C10orf67: variants seen among roughly 807,000 people sequenced by gnomAD.
C10orf67 encodes the protein chromosome 10 open reading frame 67.
Under a neutral mutation model 35.6 loss-of-function variants are expected in C10orf67, and 60 were observed. The observed-to-expected ratio is 1.68, with a 90% CI of 1.37 to 2.09. The LOEUF is 2.09. Among genes scored for constraint, C10orf67 ranks in the 30% most tolerant of loss-of-function variants. The pLI, the probability that C10orf67 is intolerant of heterozygous loss-of-function variation, is 0.00. For synonymous variants in C10orf67, 167 were observed against 115.8 expected (o/e 1.44, Z -2.84); for missense variants, 474 against 330.2 (o/e 1.44, Z -3.38).
intron 15 of C10orf67, among the ~76,000 whole-genome samples, chr10:23,223,075 AAC>A (rs1188788251): frequency 9.0e-5 from 12 of 132,862 alleles, no homozygotes; most frequent in African/African-American, 4.1e-4. Context: ...TTTGAAGTAT[AAC>A]TATTTTTTTT....
rs190620112 is a variant in C10orf67 at position 23,329,826 on chromosome 10, A to G, written c.327+3236T>C. 7.7e-4 allele frequency among the ~76,000 whole-genome samples: 116 copies of G among 150,844 alleles called. No individual in the cohort carries two copies. In the South Asian group the frequency reaches 8.5e-3, roughly 11 times the overall value. ...AAAAAAAAAAAAAAAAGAAAAGAAA[A>G]GAAAAAAATTATAGGGCAATCTCGC... On this transcript the variant is annotated intron_variant, in intron 2 of 15. Coordinates refer to ENST00000636213, the MANE Select transcript of C10orf67 (RefSeq NM_001371909.1).
At position 23,204,242 on chromosome 10, in the gene C10orf67, T is replaced by C; in HGVS notation, c.1584A>G (p.Glu528=). 1.5e-6 allele frequency: 1 copy of C among 653,086 alleles called. No homozygotes were observed. Among genetic ancestry groups the C allele is most frequent in the East Asian group, 3.0e-5 (1 of 33,114 alleles). 40.5% of individuals were successfully genotyped at this position (653,086 alleles called of 1,614,324 possible). Residue 528 remains glutamate (E), a synonymous_variant, in exon 16 of 16, where the codon GAA becomes GAG. Transcript: ENST00000636213. ...CCTCCAAGGACTCTTCTTTTGGGGATTCCGACAACTTCCCTAAACGTGAAG... is the reference window on the plus strand; with the variant it reads ...CCTCCAAGGACTCTTCTTTTGGGGACTCCGACAACTTCCCTAAACGTGAAG... ...LQLSPKGKLS[E]SPKEESLEEP... is the part of the protein sequence containing the mutation.
In C10orf67 at chr10:23,216,892, T is replaced by C. The variant is rs972060841; in HGVS notation, c.1570+6706A>G. ...CCTCTGGGGAGAGAAGGAGGAATGATATCAACTCAGTCTTCATTGTCTTAC... is the reference window on the plus strand; with the variant it reads ...CCTCTGGGGAGAGAAGGAGGAATGACATCAACTCAGTCTTCATTGTCTTAC... On this transcript the variant is annotated intron_variant, in intron 15 of 15. Coordinates refer to ENST00000636213, the MANE Select transcript of C10orf67 (RefSeq NM_001371909.1). Among the ~76,000 whole-genome samples the C allele has an allele frequency of 3.9e-5, 6 of 152,292 alleles. No individual in the cohort carries two copies. In the South Asian group the frequency reaches 8.3e-4, roughly 21 times the overall value.
chr10:23,337,244 A>G (rs1845722028), intron 1 of C10orf67, among the ~76,000 whole-genome samples: 1 of 152,224 alleles, frequency 6.6e-6, no homozygotes, highest in Admixed American at 6.5e-5. Context: ...TTAAGATAGG[A>G]GTCATCAGGC....
At chr10:23,260,485 C>G (rs1396645631) in intron 10 of C10orf67, among the ~76,000 whole-genome samples, 2 of 152,106 alleles carry the variant, frequency 1.3e-5, no homozygotes, top group African/African-American at 4.8e-5. Context: ...CTTACTGTGA[C>G]AAGTATATCA....
At chr10:23,246,514 C>T (rs577563297) in intron 12 of C10orf67, among the ~76,000 whole-genome samples, 1 of 152,058 alleles carries the variant, frequency 6.6e-6, no homozygotes, top group South Asian at 2.1e-4. Context: ...GAGAAAAACA[C>T]AAATTCTCAG....
At chr10:23,283,756 G>A (rs1333787064) in intron 7 of C10orf67, among the ~76,000 whole-genome samples, 3 of 151,920 alleles carry the variant, frequency 2.0e-5, no homozygotes, top group African/African-American at 4.8e-5. Flanking sequence ...TGCTCTTCTC[G>A]GGGCCATTGC....
At position 23,203,529 on chromosome 10, in the gene C10orf67, G is replaced by GA. The variant is rs1260006038; in HGVS notation, c.*643dup. 1.3e-5 allele frequency: 2 copies of GA among 152,192 alleles called. No homozygotes were observed. The highest frequency in any genetic ancestry group is 4.8e-5 in the African/African-American group (2 of 41,460). 9.4% of individuals were successfully genotyped at this position (152,192 alleles called of 1,614,324 possible). A position where few individuals can be genotyped will look rare whatever the true frequency, so the allele number is the denominator to read the frequency against. On this transcript the variant is annotated 3_prime_UTR_variant, in exon 16 of 16. Transcript: ENST00000636213. ...ACCAAGTTGGACATTACGCATGGAA[G>GA]AAAAGCAAACCCGCCTTTTGGTAAA...
rs1843661311 is a variant in C10orf67 at position 23,289,826 on chromosome 10, A to G, written c.909+74T>C. 8 of 698,506 alleles carry G rather than the reference A, an allele frequency of 1.1e-5. No homozygotes were observed. In the South Asian group the frequency reaches 1.3e-4, roughly 11 times the overall value. The allele number at this position is 698,506 out of a possible 1,614,324, so 43.3% of individuals were successfully genotyped here. On this transcript the variant is annotated intron_variant, in intron 7 of 15. Coordinates refer to ENST00000636213, the MANE Select transcript of C10orf67 (RefSeq NM_001371909.1). ...CTCTATGTCATAAGACACTCTGGAC[A>G]CAGTGTTATTTGGCCAATTGCGCCT...
intron 13 of C10orf67, among the ~76,000 whole-genome samples, chr10:23,228,057 A>G (rs945907649): frequency 6.6e-6 from 1 of 152,180 alleles, no homozygotes; most frequent in Non-Finnish European, 1.5e-5. Context: ...CAAGCTACCA[A>G]TGACTTTTTT....
intron 13 of C10orf67, among the ~76,000 whole-genome samples, chr10:23,232,630 A>T (rs1052397116): frequency 6.6e-6 from 1 of 152,186 alleles, no homozygotes; most frequent in Non-Finnish European, 1.5e-5. Flanking sequence ...TGCCACTTGG[A>T]GGACCAAGGA....
chr10:23,287,597 A>G (rs1230595948), intron 7 of C10orf67, among the ~76,000 whole-genome samples: 2 of 152,218 alleles, frequency 1.3e-5, no homozygotes, highest in Non-Finnish European at 2.9e-5. Flanking sequence ...ACCAAAAGCA[A>G]TTGCAACAAA....
intron 10 of C10orf67, among the ~76,000 whole-genome samples, chr10:23,259,001 A>T (rs1309068394): frequency 6.6e-6 from 1 of 152,334 alleles, no homozygotes; most frequent in Middle Eastern, 3.4e-3. Context: ...TAAGTATCTT[A>T]TCTCCTACAC....
At chr10:23,320,305 A>C (rs934810890) in intron 4 of C10orf67, among the ~76,000 whole-genome samples, 3 of 152,230 alleles carry the variant, frequency 2.0e-5, no homozygotes, top group African/African-American at 7.2e-5. Context: ...AAACCACTAA[A>C]GGCAGGAATT....
At chr10:23,236,627 C>T (rs1418417672) in intron 13 of C10orf67, among the ~76,000 whole-genome samples, 1 of 152,080 alleles carries the variant, frequency 6.6e-6, no homozygotes, top group Non-Finnish European at 1.5e-5. Flanking sequence ...CCTGTAATCC[C>T]AGCCTTTTGG....
chr10:23,255,490 G>A (rs532984057), intron 10 of C10orf67, among the ~76,000 whole-genome samples: 1 of 152,268 alleles, frequency 6.6e-6, no homozygotes, highest in East Asian at 1.9e-4. Flanking sequence ...GGTTCAGAAG[G>A]CCACAAAAGT....
chr10:23,249,410 G>C (rs1842394518), intron 12 of C10orf67, among the ~76,000 whole-genome samples: 1 of 152,158 alleles, frequency 6.6e-6, no homozygotes, highest in Non-Finnish European at 1.5e-5. Flanking sequence ...CAGGGCAGGT[G>C]TTAATATGCA....
chr10:23,229,529 A>C lies in C10orf67; in HGVS notation c.1435-5711T>G, dbSNP rs949056363. ...GCACATCAACATGGCACATGTATAC[A>C]TATGTTACAAACCTGCACATTATGC... is the stretch of plus-strand genomic sequence containing the variant. On this transcript the variant is annotated intron_variant, in intron 13 of 15. Transcript: ENST00000636213. 8.5e-5 allele frequency among the ~76,000 whole-genome samples: 13 copies of C among 152,160 alleles called. No individual in the cohort carries two copies. The East Asian group carries it at 2.5e-3, about 29-fold the overall frequency.
intron 4 of C10orf67, among the ~76,000 whole-genome samples, chr10:23,319,974 C>T (rs1461887558): frequency 6.6e-6 from 1 of 152,188 alleles, no homozygotes; most frequent in Non-Finnish European, 1.5e-5. Context: ...CTGTCTGCCA[C>T]AGGTACAGGT....
Sources: allele counts gnomAD v4.1 joint callset (sites outside exome capture counted in the v4.1 genomes callset), GRCh38; gene constraint gnomAD v4.1.1; transcripts MANE v1.5; gene names NCBI Gene and HGNC (gene_info 2026-07-23, HGNC 2026-07-21).